ZNF431: variants seen among roughly 807,000 people sequenced by gnomAD.
ZNF431 encodes the protein zinc finger protein 431.
Under a neutral mutation model 57.0 loss-of-function variants are expected in ZNF431, and 34 were observed. The ratio of observed to expected loss-of-function variants is 0.60; its 90% CI spans 0.45 to 0.79. The LOEUF (loss-of-function observed/expected upper bound fraction) is 0.79. ZNF431 is among the 30% of genes least tolerant of loss of function. The probability of loss-of-function intolerance (pLI) is 0.00; values close to 1 mark genes in which losing one functional copy is unlikely to be tolerated. For missense variants in ZNF431, 607 were observed against 667.1 expected, an observed-to-expected ratio of 0.91 and a Z score of 0.99; for synonymous variants, 207 against 220.3, an observed-to-expected ratio of 0.94 and a Z score of 0.54.
At position 21,193,638 on chromosome 19, in the gene ZNF431, A is replaced by G. The variant is rs1401638515; in HGVS notation, c.*9604A>G. ...ATTTTGGGTGAACATTGAAACAAAA[A>G]TCCTCCATGAAATAATAGCAAGCTG... is the stretch of plus-strand genomic sequence containing the variant. On this transcript the variant is annotated 3_prime_UTR_variant, in exon 5 of 5. Coordinates refer to ENST00000311048, the MANE Select transcript of ZNF431 (RefSeq NM_133473.4). 1.3e-5 allele frequency: 2 copies of G among 152,226 alleles called. No homozygotes were observed. The highest frequency in any genetic ancestry group is 2.9e-5 in the Non-Finnish European group (2 of 68,036). 9.4% of individuals were successfully genotyped at this position (152,226 alleles called of 1,614,324 possible). A position where few individuals can be genotyped will look rare whatever the true frequency, so the allele number is the denominator to read the frequency against.
At chr19:21,154,310 G>A (rs925318119) in intron 2 of ZNF431, among the ~76,000 whole-genome samples, 1 of 152,064 alleles carries the variant, frequency 6.6e-6, no homozygotes, top group African/African-American at 2.4e-5. Context: ...GAGAATGATG[G>A]TTTCCAACTT....
chr19:21,173,901 A>G (rs975272386), intron 4 of ZNF431, among the ~76,000 whole-genome samples: 3 of 151,600 alleles, frequency 2.0e-5, no homozygotes, highest in Non-Finnish European at 4.4e-5. Context: ...TCCCATTTGA[A>G]TATCTTTTTT....
At chr19:21,165,454 G>A (rs1298966745) in intron 2 of ZNF431, among the ~76,000 whole-genome samples, 1 of 152,164 alleles carries the variant, frequency 6.6e-6, no homozygotes, top group Non-Finnish European at 1.5e-5. Flanking sequence ...TTTTTTAATG[G>A]TTAAATTCAG....
chr19:21,149,149 G>A (rs568918831), intron 2 of ZNF431, among the ~76,000 whole-genome samples: 4 of 152,088 alleles, frequency 2.6e-5, no homozygotes, highest in Admixed American at 6.6e-5. Context: ...CTTATATAAA[G>A]TCTCTTTTCT....
chr19:21,180,513 T>C (rs1242807437), intron 4 of ZNF431, among the ~76,000 whole-genome samples: 1 of 151,708 alleles, frequency 6.6e-6, no homozygotes. Context: ...TTTCTGTCTT[T>C]GTGTCTTTGT....
rs778837519 is a variant in ZNF431, at chr19:21,189,664, G to A, written c.*5630G>A. 33 of 339,346 alleles carry A rather than the reference G, an allele frequency of 9.7e-5. No individual in the cohort carries two copies. Among genetic ancestry groups the A allele is most frequent in the Non-Finnish European group, 1.6e-4 (30 of 191,822 alleles). 21.0% of individuals were successfully genotyped at this position (339,346 alleles called of 1,614,324 possible). ...GTATTATTTCACAAACATGTTTCCAGCCTTCCATTTCTTATAAATAACTTG... is the reference window on the plus strand; with the variant it reads ...GTATTATTTCACAAACATGTTTCCAACCTTCCATTTCTTATAAATAACTTG... On this transcript the variant is annotated 3_prime_UTR_variant, in exon 5 of 5. Coordinates refer to ENST00000311048, the MANE Select transcript of ZNF431 (RefSeq NM_133473.4).
At position 21,182,999 on chromosome 19, in the gene ZNF431, C is replaced by T. The variant is rs1444144682; in HGVS notation, c.696C>T (p.Tyr232=). 6.2e-7 allele frequency: 1 copy of T among 1,614,096 alleles called. No individual in the cohort carries two copies. Among genetic ancestry groups the T allele is most frequent in the Non-Finnish European group, 8.5e-7 (1 of 1,179,960 alleles). ...GAATTCATATTAGAGAGAATTCTTA[C>T]CAATGTGAAGAATGTGGCAAAGCTT... The part of the protein sequence containing the change: ...HKRIHIRENS[Y]QCEECGKAFK... The change falls in exon 5 of 5, where the codon TAC becomes TAT. Residue 232 remains tyrosine, a synonymous_variant. Coordinates refer to ENST00000311048, the MANE Select transcript of ZNF431 (RefSeq NM_133473.4).
chr19:21,143,935 A>C (rs1970011141), intron 2 of ZNF431, among the ~76,000 whole-genome samples: 1 of 152,176 alleles, frequency 6.6e-6, no homozygotes, highest in South Asian at 2.1e-4. Context: ...AAGAACTTGC[A>C]AAGTAAAATG....
intron 2 of ZNF431, among the ~76,000 whole-genome samples, chr19:21,160,827 G>A (rs374174155): frequency 6.6e-6 from 1 of 152,160 alleles, no homozygotes; most frequent in Admixed American, 6.5e-5. Context: ...ACAAAGAGGA[G>A]GTCTTGTGAC....
chr19:21,172,693 T>A (rs2145016245), intron 4 of ZNF431, among the ~76,000 whole-genome samples: 1 of 152,242 alleles, frequency 6.6e-6, no homozygotes, highest in South Asian at 2.1e-4. Flanking sequence ...CCCCGCTATA[T>A]GGGAGATTTA....
At chr19:21,144,888 T>C (rs1247461895) in intron 2 of ZNF431, among the ~76,000 whole-genome samples, 1 of 152,230 alleles carries the variant, frequency 6.6e-6, no homozygotes, top group Non-Finnish European at 1.5e-5. Flanking sequence ...TCTTGATTTC[T>C]GAGTTTCATG....
chr19:21,173,487 G>A (rs1345554970), intron 4 of ZNF431, among the ~76,000 whole-genome samples: 2 of 152,012 alleles, frequency 1.3e-5, no homozygotes, highest in Admixed American at 1.3e-4. Context: ...ATATAGTATA[G>A]TGGCCATTGT....
rs1210564667 is a variant in ZNF431 at position 21,195,684 on chromosome 19, A to G, written c.*11650A>G. The G allele has an allele frequency of 6.6e-6, 1 of 152,136 alleles. No homozygotes were observed. Among genetic ancestry groups the G allele is most frequent in the Non-Finnish European group, 1.5e-5 (1 of 68,020 alleles). The allele number at this position is 152,136 out of a possible 1,614,324, so 9.4% of individuals were successfully genotyped here. ...GTACCAGTTTTTCTCTTGTGGTGGCATATAGTTGATTGTCATTTGCATTAT... is the reference window on the plus strand; with the variant it reads ...GTACCAGTTTTTCTCTTGTGGTGGCGTATAGTTGATTGTCATTTGCATTAT... On this transcript the variant is annotated 3_prime_UTR_variant, in exon 5 of 5. Transcript: ENST00000311048.
chr19:21,148,599 C>A (rs1354926500), intron 2 of ZNF431, among the ~76,000 whole-genome samples: 1 of 152,138 alleles, frequency 6.6e-6, no homozygotes, highest in African/African-American at 2.4e-5. Context: ...ACCTTTTAAT[C>A]TAGGCAAAAA....
chr19:21,174,289 C>T (rs1414009645), intron 4 of ZNF431, among the ~76,000 whole-genome samples: 1 of 152,098 alleles, frequency 6.6e-6, no homozygotes, highest in East Asian at 1.9e-4. Context: ...TTTCTGTTTT[C>T]TTACTGATAT....
At chr19:21,147,200 T>A (rs570987707) in intron 2 of ZNF431, among the ~76,000 whole-genome samples, 194 of 152,262 alleles carry the variant, frequency 1.3e-3, no homozygotes, top group Non-Finnish European at 7.5e-4. Context: ...TTTAAGAACA[T>A]CTGTTGCTGG....
intron 4 of ZNF431, among the ~76,000 whole-genome samples, chr19:21,170,348 C>G: frequency 6.6e-6 from 1 of 151,896 alleles, no homozygotes. Flanking sequence ...TTTTTTGTGG[C>G]GAGGATAATC....
intron 4 of ZNF431, chr19:21,169,947 CCT>C (rs1970835053): frequency 2.5e-6 from 1 of 397,994 alleles, no homozygotes; most frequent in African/African-American, 2.1e-5. Context: ...AAGGGCAGGA[CCT>C]CTCTTAGACT....
chr19:21,164,989 C>T (rs1970678072), intron 2 of ZNF431, among the ~76,000 whole-genome samples: 1 of 150,748 alleles, frequency 6.6e-6, no homozygotes, highest in African/African-American at 2.4e-5. Context: ...ACATGCCTGT[C>T]ATCCTAGCTA....
Sources: allele counts gnomAD v4.1 joint callset (sites outside exome capture counted in the v4.1 genomes callset), GRCh38; gene constraint gnomAD v4.1.1; transcripts MANE v1.5; gene names NCBI Gene and HGNC (gene_info 2026-07-23, HGNC 2026-07-21).